Variants in COL28A1 observed in about 807,000 individuals in gnomAD.
COL28A1 encodes collagen alpha-1(XXVIII) chain.
In COL28A1, 161 loss-of-function variants were observed where a neutral mutation model predicts 150.2. The ratio of observed to expected loss-of-function variants is 1.07; its 90% confidence interval spans 0.94 to 1.22. The LOEUF is 1.22. COL28A1 is among the 50% of genes most tolerant of loss of function. The pLI is 0.00. For synonymous variants in COL28A1, 552 were observed against 469.7 expected (o/e 1.18, Z -2.26); for missense variants, 1,617 against 1,388.3 (o/e 1.16, Z -2.62).
At chr7:7,385,929 G>C (rs994756773) in intron 27 of COL28A1, among the ~76,000 whole-genome samples, 76 of 152,296 alleles carry the variant, frequency 5.0e-4, no homozygotes, top group African/African-American at 1.8e-3. Context: ...ATCCATGTCT[G>C]ATCTTGGCAG....
At chr7:7,397,781 T>C (rs1174778919) in intron 27 of COL28A1, among the ~76,000 whole-genome samples, 1 of 152,266 alleles carries the variant, frequency 6.6e-6, no homozygotes, top group East Asian at 1.9e-4. Context: ...ACAGGTACCT[T>C]ACCCCCTACA....
intron 11 of COL28A1, among the ~76,000 whole-genome samples, chr7:7,499,128 T>G (rs1421864739): frequency 6.6e-6 from 1 of 152,176 alleles, no homozygotes; most frequent in African/African-American, 2.4e-5. Flanking sequence ...GTCAAAGCCT[T>G]TTCTACAGCA....
chr7:7,460,995 A>G (rs769916921), intron 15 of COL28A1, among the ~76,000 whole-genome samples: 1 of 152,208 alleles, frequency 6.6e-6, no homozygotes, highest in Non-Finnish European at 1.5e-5. Context: ...GACTGCAGGA[A>G]TACATTTGGA....
intron 27 of COL28A1, among the ~76,000 whole-genome samples, chr7:7,401,917 GA>G (rs967690667): frequency 3.3e-5 from 5 of 152,198 alleles, no homozygotes; most frequent in African/African-American, 1.2e-4. Context: ...CCCTAATTGA[GA>G]ACCCCCAAAA....
intron 13 of COL28A1, among the ~76,000 whole-genome samples, chr7:7,488,940 T>C (rs913873112): frequency 1.3e-5 from 2 of 152,240 alleles, no homozygotes; most frequent in Non-Finnish European, 2.9e-5. Context: ...TACATAGTTC[T>C]ATTTCAAGTG....
rs1159181436 is a variant in COL28A1 at position 7,380,682 on chromosome 7, G to A, written c.2300C>T (p.Pro767Leu). ...GSPGKQGLQG[P>L]KGDLGLTKEE... ...CACTGTAAGTCCTAGGTCTCCTTTG[G>A]GTCCTTGTAAACCCTACTTAGTGGA... Residue 767 changes from proline (P) to leucine (L), a missense_variant, in exon 30 of 35, where the codon CCC (proline) becomes CTC (leucine). By Grantham distance (98) the Pro-to-Leu change is moderately conservative. Transcript: ENST00000399429. 2 of 1,613,654 alleles carry A rather than the reference G, an allele frequency of 1.2e-6. No individual in the cohort carries two copies. Among genetic ancestry groups the A allele is most frequent in the East Asian group, 2.2e-5 (1 of 44,864 alleles).
chr7:7,518,465 T>C (rs558281795), intron 6 of COL28A1, among the ~76,000 whole-genome samples: 10 of 152,304 alleles, frequency 6.6e-5, no homozygotes, highest in South Asian at 2.1e-4. Flanking sequence ...AAAATGCTTT[T>C]ATGCATTTAA....
chr7:7,369,709 C>T lies in COL28A1; in HGVS notation c.3066+1016G>A, dbSNP rs530152169. ...GTGCCCTTAGGAATGGTATCCTAGG[C>T]CTGATTCCTGAATGGCCCTGAGTCC... On this transcript the variant is annotated intron_variant, in intron 33 of 34. Transcript: ENST00000399429. Among the ~76,000 whole-genome samples the T allele has an allele frequency of 5.9e-5, 9 of 152,252 alleles. No individual in the cohort carries two copies. In the South Asian group the frequency reaches 1.4e-3, roughly 25 times the overall value.
chr7:7,497,152 A>G (rs1028881045), intron 11 of COL28A1, among the ~76,000 whole-genome samples: 1 of 151,260 alleles, frequency 6.6e-6, no homozygotes. Flanking sequence ...AATATTTATC[A>G]AGTACTTGTT....
chr7:7,342,336 T>C, the COL28A1 span, among the ~76,000 whole-genome samples: 1 of 152,060 alleles, frequency 6.6e-6, no homozygotes, highest in Non-Finnish European at 1.5e-5. Flanking sequence ...TGTTTTAGAT[T>C]TGTCTCTGGT....
chr7:7,342,588 C>T, the COL28A1 span, among the ~76,000 whole-genome samples: 40 of 151,728 alleles, frequency 2.6e-4, no homozygotes, highest in African/African-American at 9.2e-4. Flanking sequence ...GAAGCTATGT[C>T]CTCTGTTTCT....
Position 7,456,118 on chromosome 7 carries a change from C to G in COL28A1, c.1303-6G>C. The G allele has an allele frequency of 6.2e-7, 1 of 1,611,044 alleles. No homozygotes were observed. The highest frequency in any genetic ancestry group is 1.1e-5 in the South Asian group (1 of 90,498). ...CCCACAGGTCCTATATCCCCCTGCACAGAAAATAAGCCAGGAAATATAACA... is the reference window on the plus strand; with the variant it reads ...CCCACAGGTCCTATATCCCCCTGCAGAGAAAATAAGCCAGGAAATATAACA... On this transcript the variant is annotated splice_region_variant and splice_polypyrimidine_tract_variant and intron_variant, in intron 15 of 34. Coordinates refer to ENST00000399429, the MANE Select transcript of COL28A1 (RefSeq NM_001037763.3).
intron 8 of COL28A1, among the ~76,000 whole-genome samples, chr7:7,515,597 G>A (rs1369727387): frequency 6.6e-6 from 1 of 152,216 alleles, no homozygotes; most frequent in Non-Finnish European, 1.5e-5. Context: ...AAAGCTGAAG[G>A]AGGCTGGATT....
intron 10 of COL28A1, among the ~76,000 whole-genome samples, 193 bp from the exon 11 acceptor site, chr7:7,506,260 G>A (rs544264137): frequency 6.6e-6 from 1 of 152,322 alleles, no homozygotes; most frequent in Admixed American, 6.5e-5. Context: ...TTCCAAAATA[G>A]CACTTATGCT....
intron 15 of COL28A1, among the ~76,000 whole-genome samples, chr7:7,457,125 C>G (rs1226762169): frequency 6.6e-6 from 1 of 152,168 alleles, no homozygotes; most frequent in African/African-American, 2.4e-5. Context: ...GTAGAAGGAT[C>G]AGTGGGGCCT....
chr7:7,356,892 A>C (rs577962527), downstream of COL28A1: 1 of 152,292 alleles, frequency 6.6e-6, no homozygotes, highest in Non-Finnish European at 1.5e-5. Context: ...AGTATCAAAT[A>C]TTACATAATA....
intron 31 of COL28A1, 73 bp downstream of exon 31, chr7:7,375,388 C>A (rs1393565047): frequency 3.0e-5 from 41 of 1,372,076 alleles, no homozygotes; most frequent in Non-Finnish European, 4.0e-5. Context: ...TGGACGAACA[C>A]ATTCTGTCAC....
chr7:7,464,911 G>A (rs1301393475), intron 15 of COL28A1, among the ~76,000 whole-genome samples: 2 of 152,222 alleles, frequency 1.3e-5, no homozygotes, highest in East Asian at 1.9e-4. Flanking sequence ...ACCAAGAAAA[G>A]AAGGGAGAAA....
chr7:7,478,495 C>T (rs556273754), intron 13 of COL28A1, among the ~76,000 whole-genome samples: 5 of 152,386 alleles, frequency 3.3e-5, no homozygotes, highest in East Asian at 3.9e-4. Context: ...CAGTGGATCT[C>T]GCATGGGCTC....
Sources: allele counts gnomAD v4.1 joint callset (sites outside exome capture counted in the v4.1 genomes callset), GRCh38; gene constraint gnomAD v4.1.1; transcripts MANE v1.5; gene names NCBI Gene and HGNC (gene_info 2026-07-23, HGNC 2026-07-21).